The following SLC4A8 variants were observed in gnomAD, a reference collection of about 807,000 sequenced individuals.
The protein encoded by SLC4A8 is electroneutral sodium bicarbonate exchanger 1.
In SLC4A8, 40 loss-of-function variants were observed where a neutral mutation model predicts 125.0. That is an observed-to-expected ratio of 0.32 (90% CI 0.25 to 0.42). The LOEUF is 0.42. Ranked by LOEUF, SLC4A8 falls within the 10% of genes least tolerant of loss-of-function variation. SLC4A8 has a pLI of 1.00. For synonymous variants in SLC4A8, 456 were observed against 476.0 expected, an observed-to-expected ratio of 0.96 and a Z score of 0.55; for missense variants, 863 against 1,355.1, an observed-to-expected ratio of 0.64 and a Z score of 5.70.
At chr12:51,500,850 CTTT>C (rs71092703) in intron 22 of SLC4A8, among the ~76,000 whole-genome samples, 4 of 142,662 alleles carry the variant, frequency 2.8e-5, no homozygotes, top group Non-Finnish European at 4.6e-5. Flanking sequence ...CTGCGCCTGG[CTTT>C]TTTTTTTTTT....
At chr12:51,391,477 G>A (rs1565742785) in exon 1 of SLC4A8, 1 of 156,828 alleles carries the variant, frequency 6.4e-6, no homozygotes, top group Non-Finnish European at 1.4e-5. Flanking sequence ...GCGAAGGCTG[G>A]CGGAGGAGGA....
intron 6 of SLC4A8, among the ~76,000 whole-genome samples, chr12:51,457,956 C>A (rs1950206770): frequency 6.6e-6 from 1 of 152,214 alleles, no homozygotes; most frequent in South Asian, 2.1e-4. Flanking sequence ...TTACCACTCA[C>A]AAAATGTATG....
At chr12:51,499,655 ACACG>A (rs1218063147) in intron 22 of SLC4A8, among the ~76,000 whole-genome samples, 1 of 151,384 alleles carries the variant, frequency 6.6e-6, no homozygotes, top group African/African-American at 2.4e-5. Flanking sequence ...ACACACACAC[ACACG>A]TATATAATTT....
intron 16 of SLC4A8, chr12:51,480,548 C>A: frequency 1.0e-6 from 1 of 986,994 alleles, no homozygotes; most frequent in Non-Finnish European, 1.2e-6. Flanking sequence ...ACTTTCTTCC[C>A]GTAAATATCT....
intron 2 of SLC4A8, 115 bp downstream of exon 2, chr12:51,440,904 C>T: frequency 9.9e-7 from 1 of 1,011,808 alleles, no homozygotes; most frequent in Non-Finnish European, 1.4e-6. Context: ...GGGAAAATCA[C>T]TTGATTTCCT....
intron 1 of SLC4A8, among the ~76,000 whole-genome samples, chr12:51,430,952 A>G (rs1357261805): frequency 1.3e-5 from 2 of 152,210 alleles, no homozygotes; most frequent in Admixed American, 1.3e-4. Flanking sequence ...AAAAACACAA[A>G]TTTATCCTAC....
rs770970905 is a variant in SLC4A8, at chr12:51,475,117, C to T, written c.2083C>T (p.Leu695Phe). The stretch of plus-strand genomic sequence containing the variant: ...TCATGGACCCTACACTCCTGATGTC[C>T]TCTTTTGGTCCTGTATTCTCTTTTT... ...GHHGPYTPDV[L>F]FWSCILFFTT... is the part of the protein sequence containing the mutation. The change falls in exon 16 of 25, where the codon CTC becomes TTC. Residue 695 changes from leucine (L) to phenylalanine (F), a missense_variant. Physicochemically the swap from Leu to Phe is conservative, Grantham distance 22. Transcript: ENST00000453097. 3 of 1,613,864 alleles carry T rather than the reference C, an allele frequency of 1.9e-6. No individual in the cohort carries two copies. Among genetic ancestry groups the T allele is most frequent in the East Asian group, 2.2e-5 (1 of 44,900 alleles).
intron 10 of SLC4A8, among the ~76,000 whole-genome samples, 192 bp from the exon 11 acceptor site, chr12:51,463,410 GGTGTGTGTGTGT>G (rs71731491): frequency 1.2e-4 from 17 of 144,120 alleles, no homozygotes; most frequent in Admixed American, 3.5e-4. Context: ...GAAATTATGG[GGTGTGTGTGTGT>G]GTGTGTGTGT....
intron 19 of SLC4A8, among the ~76,000 whole-genome samples, chr12:51,491,885 T>G (rs1442377836): frequency 1.3e-5 from 2 of 152,108 alleles, no homozygotes; most frequent in Admixed American, 1.3e-4. Context: ...TACTGACCAG[T>G]GACTTGAGGC....
chr12:51,505,706 C>T, intron 23 of SLC4A8, 129 bp from the exon 24 acceptor site: 1 of 496,560 alleles, frequency 2.0e-6, no homozygotes, highest in Admixed American at 3.5e-5. Context: ...TCCCCGAGTT[C>T]CTGAGAGCTG....
rs1951423997 is a variant in SLC4A8, at chr12:51,495,001, C to T, written c.2826C>T (p.Ile942=). ...GMPAKHQPDF[I]YLRHVPLRKV... ...CCGCAAAGCACCAGCCAGATTTCATCTACCTGCGGCATGTGCCGCTGCGCA... is the reference window on the plus strand; with the variant it reads ...CCGCAAAGCACCAGCCAGATTTCATTTACCTGCGGCATGTGCCGCTGCGCA... Residue 942 remains isoleucine, a synonymous_variant, in exon 21 of 25, where the codon ATC becomes ATT. Coordinates refer to ENST00000453097, the MANE Select transcript of SLC4A8 (RefSeq NM_001039960.3). The T allele has an allele frequency of 2.5e-6, 4 of 1,614,242 alleles. No individual in the cohort carries two copies. The highest frequency in any genetic ancestry group is 3.4e-6 in the Non-Finnish European group (4 of 1,180,014).
At chr12:51,405,334 C>T (rs898460360) in intron 1 of SLC4A8, among the ~76,000 whole-genome samples, 3 of 152,142 alleles carry the variant, frequency 2.0e-5, no homozygotes, top group African/African-American at 7.2e-5. Context: ...CTATTCCAAG[C>T]GCTTCAGGAC....
chr12:51,397,856 C>T (rs936942876), intron 1 of SLC4A8, among the ~76,000 whole-genome samples: 1 of 151,974 alleles, frequency 6.6e-6, no homozygotes. Context: ...TGCTTGTGTC[C>T]AGGAGTTTGA....
chr12:51,409,561 T>C (rs1268783402), intron 1 of SLC4A8, among the ~76,000 whole-genome samples: 3 of 152,196 alleles, frequency 2.0e-5, no homozygotes, highest in Non-Finnish European at 4.4e-5. Context: ...TTTAAAGAGA[T>C]GGGGTCTTGC....
intron 24 of SLC4A8, 136 bp downstream of exon 24, chr12:51,506,066 A>G (rs1938155391): frequency 3.4e-6 from 2 of 594,344 alleles, no homozygotes; most frequent in Non-Finnish European, 3.0e-6. Context: ...CGCTAACCAC[A>G]TAAGAATAGC....
intron 21 of SLC4A8, among the ~76,000 whole-genome samples, chr12:51,495,470 C>CTTTTTTTTTTTTTTTTT (rs3028942): frequency 3.7e-4 from 28 of 76,294 alleles, no homozygotes; most frequent in Non-Finnish European, 5.5e-4. Context: ...TTTCTTTCTT[C>CTTTTTTTTTTTTTTTTT]TTTTTTTTTT....
intron 24 of SLC4A8, among the ~76,000 whole-genome samples, chr12:51,506,657 C>A (rs1938185506): frequency 6.6e-6 from 1 of 152,182 alleles, no homozygotes; most frequent in African/African-American, 2.4e-5. Flanking sequence ...TGGTCTGGAA[C>A]TCCTGGACTC....
chr12:51,459,728 T>G (rs1423398810), intron 7 of SLC4A8, among the ~76,000 whole-genome samples: 1 of 151,994 alleles, frequency 6.6e-6, no homozygotes, highest in Non-Finnish European at 1.5e-5. Flanking sequence ...AAAAATTAGC[T>G]GGACATGGTG....
chr12:51,397,220 G>A (rs189576674), intron 1 of SLC4A8, among the ~76,000 whole-genome samples: 31 of 152,176 alleles, frequency 2.0e-4, no homozygotes, highest in African/African-American at 5.3e-4. Flanking sequence ...GAGCCACCAC[G>A]CCCGGTCTCA....
Sources: allele counts gnomAD v4.1 joint callset (sites outside exome capture counted in the v4.1 genomes callset), GRCh38; gene constraint gnomAD v4.1.1; transcripts MANE v1.5; gene names NCBI Gene and HGNC (gene_info 2026-07-23, HGNC 2026-07-21).